GUCY1A2: variants seen among roughly 807,000 people sequenced by gnomAD.
GUCY1A2 encodes the protein guanylate cyclase soluble subunit alpha-2.
GUCY1A2 carries 27 observed loss-of-function variants against 63.5 expected under a neutral mutation model. The ratio of observed to expected loss-of-function variants is 0.43; its 90% CI spans 0.31 to 0.59. The LOEUF (loss-of-function observed/expected upper bound fraction) is 0.59. GUCY1A2 is among the 20% of genes least tolerant of loss of function. The probability of loss-of-function intolerance (pLI) is 0.11; values close to 1 mark genes in which losing one functional copy is unlikely to be tolerated. For synonymous variants in GUCY1A2, 364 were observed against 343.5 expected (o/e 1.06, Z -0.66); for missense variants, 768 against 913.3 (o/e 0.84, Z 2.05).
At chr11:106,826,921 G>A in intron 4 of GUCY1A2, 1 of 1,609,200 alleles carries the variant, frequency 6.2e-7, no homozygotes, top group East Asian at 2.2e-5. Flanking sequence ...ATGGAGAAAA[G>A]GTTCTATATT....
At chr11:106,852,554 T>C (rs975035006) in intron 4 of GUCY1A2, among the ~76,000 whole-genome samples, 6 of 152,182 alleles carry the variant, frequency 3.9e-5, no homozygotes, top group Non-Finnish European at 7.4e-5. Flanking sequence ...TTTTTCTGCA[T>C]CTAGTAAAAT....
chr11:106,705,784 C>T (rs951787972), intron 7 of GUCY1A2, among the ~76,000 whole-genome samples: 1 of 152,116 alleles, frequency 6.6e-6, no homozygotes, highest in African/African-American at 2.4e-5. Context: ...CCCTTGAACC[C>T]GGGAGGCGGA....
At chr11:106,922,135 G>T (rs1433371875) in intron 4 of GUCY1A2, among the ~76,000 whole-genome samples, 1 of 152,120 alleles carries the variant, frequency 6.6e-6, no homozygotes, top group Admixed American at 6.6e-5. Context: ...GCAGACGAGG[G>T]TGCTAGCACC....
At chr11:106,943,216 G>C (rs1860773975) in intron 3 of GUCY1A2, among the ~76,000 whole-genome samples, 1 of 152,132 alleles carries the variant, frequency 6.6e-6, no homozygotes, top group Admixed American at 6.5e-5. Flanking sequence ...ATTCAATTCA[G>C]ACAACTGATG....
chr11:106,842,509 T>G (rs1278980855), intron 4 of GUCY1A2, among the ~76,000 whole-genome samples: 1 of 152,048 alleles, frequency 6.6e-6, no homozygotes, highest in Non-Finnish European at 1.5e-5. Context: ...AGACTAAAAA[T>G]GGCATTAGTG....
chr11:106,827,254 G>T, intron 4 of GUCY1A2: 1 of 1,549,690 alleles, frequency 6.5e-7, no homozygotes, highest in Non-Finnish European at 8.9e-7. Flanking sequence ...TCCTTCAGTT[G>T]TATATCTGGT....
At chr11:106,947,351 C>A (rs1314758867) in intron 3 of GUCY1A2, among the ~76,000 whole-genome samples, 1 of 151,366 alleles carries the variant, frequency 6.6e-6, no homozygotes, top group African/African-American at 2.4e-5. Flanking sequence ...AAATTATATA[C>A]AACAGAACAA....
At chr11:106,716,891 T>G (rs1450748055) in intron 6 of GUCY1A2, among the ~76,000 whole-genome samples, 1 of 151,902 alleles carries the variant, frequency 6.6e-6, no homozygotes, top group African/African-American at 2.4e-5. Flanking sequence ...CGGTACAGCG[T>G]TCTAGTGAAC....
intron 4 of GUCY1A2, among the ~76,000 whole-genome samples, chr11:106,880,977 G>T (rs1330774767): frequency 6.6e-6 from 1 of 152,078 alleles, no homozygotes; most frequent in African/African-American, 2.4e-5. Context: ...TTAACTAACT[G>T]CAGGACTAAA....
rs559537653 is a variant in GUCY1A2 at position 106,686,046 on chromosome 11, C to T, written c.*1503G>A. 1 of 214,772 alleles carries T rather than the reference C, an allele frequency of 4.7e-6. No homozygotes were observed. The highest frequency in any genetic ancestry group is 6.9e-5 in the East Asian group (1 of 14,452). The allele number at this position is 214,772 out of a possible 1,614,324, so 13.3% of individuals were successfully genotyped here. ...AATCCCTGAACAGAAAAGAATATTGCATTCAGTAGACATAAGCTATCAATG... is the reference window on the plus strand; with the variant it reads ...AATCCCTGAACAGAAAAGAATATTGTATTCAGTAGACATAAGCTATCAATG... On this transcript the variant is annotated 3_prime_UTR_variant, in exon 8 of 8. Coordinates refer to ENST00000526355, the MANE Select transcript of GUCY1A2 (RefSeq NM_000855.3).
At chr11:106,986,025 C>A (rs1247160368) in intron 2 of GUCY1A2, 45 bp downstream of exon 2, 2 of 948,248 alleles carry the variant, frequency 2.1e-6, no homozygotes, top group Non-Finnish European at 3.5e-6. Context: ...TGAGTAATTA[C>A]CTTTAATTTG....
intron 3 of GUCY1A2, among the ~76,000 whole-genome samples, chr11:106,954,699 A>ACC (rs1395527439): frequency 1.3e-5 from 2 of 152,158 alleles, no homozygotes; most frequent in Non-Finnish European, 2.9e-5. Context: ...TGTATTGGGT[A>ACC]CATATATATT....
chr11:106,839,112 T>C (rs1016233320), intron 4 of GUCY1A2, among the ~76,000 whole-genome samples: 3 of 152,122 alleles, frequency 2.0e-5, no homozygotes, highest in African/African-American at 7.2e-5. Context: ...GTTTTAGGTC[T>C]AACATTTAAG....
chr11:106,955,094 T>A (rs752238338), intron 3 of GUCY1A2, among the ~76,000 whole-genome samples: 1 of 152,114 alleles, frequency 6.6e-6, no homozygotes, highest in Non-Finnish European at 1.5e-5. Flanking sequence ...TACCTCAGCC[T>A]CTCAAGTAGC....
chr11:106,711,787 GTGAAAGATACTTTCACTGCATAT>G (rs1863124424), intron 6 of GUCY1A2, among the ~76,000 whole-genome samples: 1 of 151,964 alleles, frequency 6.6e-6, no homozygotes, highest in Non-Finnish European at 1.5e-5. Flanking sequence ...GTCTTCATAT[GTGAAAGATACTTTCACTGCATAT>G]TGAATTCTAG....
intron 4 of GUCY1A2, among the ~76,000 whole-genome samples, chr11:106,819,234 T>C (rs1168521497): frequency 6.6e-6 from 1 of 152,188 alleles, no homozygotes; most frequent in Non-Finnish European, 1.5e-5. Context: ...GAAGACTCAG[T>C]GAACACTGTT....
chr11:106,736,315 G>A (rs574158906), intron 6 of GUCY1A2, among the ~76,000 whole-genome samples: 7 of 152,264 alleles, frequency 4.6e-5, no homozygotes, highest in African/African-American at 1.7e-4. Flanking sequence ...TGCCTATGGT[G>A]AGAGACAGTG....
chr11:106,787,597 G>GGGGGA (rs1291819228), intron 5 of GUCY1A2, among the ~76,000 whole-genome samples: 1 of 144,168 alleles, frequency 6.9e-6, no homozygotes, highest in Non-Finnish European at 1.5e-5. Context: ...AGGAAGGGAA[G>GGGGGA]GGAAAAAGAG....
rs1860325122 is a variant in GUCY1A2, at chr11:106,913,548, C to T, written c.1206+25912G>A. On this transcript the variant is annotated intron_variant, in intron 4 of 7. Transcript: ENST00000526355. Reference sequence around the variant, plus strand: ...CCAACGCCAGGACCCAAACACCTCCCACTAAGCCCCATCTCCCAGCACTGC... The same window carrying T: ...CCAACGCCAGGACCCAAACACCTCCTACTAAGCCCCATCTCCCAGCACTGC... Among the ~76,000 whole-genome samples, 4 of 152,118 alleles carry T rather than the reference C, an allele frequency of 2.6e-5. 1 individual carries two copies. Among genetic ancestry groups the T allele is most frequent in the Admixed American group, 2.6e-4 (4 of 15,262 alleles).
Sources: allele counts gnomAD v4.1 joint callset (sites outside exome capture counted in the v4.1 genomes callset), GRCh38; gene constraint gnomAD v4.1.1; transcripts MANE v1.5; gene names NCBI Gene and HGNC (gene_info 2026-07-23, HGNC 2026-07-21).